LRRC8E: variants seen among roughly 807,000 people sequenced by gnomAD.
LRRC8E encodes volume-regulated anion channel subunit LRRC8E.
Under a neutral mutation model 6.1 loss-of-function variants are expected in LRRC8E, and 6 were observed. The ratio of observed to expected loss-of-function variants is 0.98; its 90% confidence interval spans 0.54 to 1.93. LRRC8E has a LOEUF of 1.93. Ranked by LOEUF, LRRC8E falls within the 30% of genes most tolerant of loss-of-function variation. LRRC8E has a pLI of 0.01. For synonymous variants in LRRC8E, 485 were observed against 472.8 expected, an observed-to-expected ratio of 1.03 and a Z score of -0.33; for missense variants, 1,028 against 1,031.4, an observed-to-expected ratio of 1.00 and a Z score of 0.04.
chr19:7,900,161 G>T lies in LRRC8E; in HGVS notation c.1639G>T (p.Gly547Trp), dbSNP rs775854665. Residue 547 changes from glycine (G) to tryptophan (W), a missense_variant, in exon 3 of 3, where the codon GGG becomes TGG. Coordinates refer to ENST00000306708, the MANE Select transcript of LRRC8E (RefSeq NM_025061.6). This position sits in a 1 kb window ranked among gnomAD's most constrained non-coding sequence, Gnocchi z 5.0. ...GGTGTTGTCCCTCCGGAGCAACGCC[G>T]GGAAGGTGCCAGCCAGTGTGACCGA... ...LKVLSLRSNA[G>W]KVPASVTDVA... is the part of the protein sequence containing the mutation. The T allele has an allele frequency of 9.9e-6, 16 of 1,612,908 alleles. No homozygotes were observed. In the African/African-American group the frequency reaches 1.5e-4, roughly 15 times the overall value.
Position 7,889,059 on chromosome 19 carries a change from A to T in LRRC8E, c.-6+459A>T, listed in dbSNP as rs573182821. 1.6e-4 allele frequency among the ~76,000 whole-genome samples: 24 copies of T among 151,580 alleles called. No homozygotes were observed. In the South Asian group the frequency reaches 4.8e-3, roughly 30 times the overall value. The stretch of plus-strand genomic sequence containing the variant: ...GCTGGCAGAGGCGGCTTGGAAAACC[A>T]CTCGGCTGGGAATCCGCAGGCCTGG... On this transcript the variant is annotated intron_variant, in intron 1 of 2. Transcript: ENST00000306708.
At position 7,899,524 on chromosome 19, in the gene LRRC8E, C is replaced by T. The variant is rs755174300; in HGVS notation, c.1002C>T (p.Leu334=). The change falls in exon 3 of 3, where the codon CTC becomes CTT. Residue 334 remains leucine, a synonymous_variant. Coordinates refer to ENST00000306708, the MANE Select transcript of LRRC8E (RefSeq NM_025061.6). The stretch of plus-strand genomic sequence containing the variant: ...CCTGCATCTACACGCTCTACTGGCT[C>T]TTCCACCGGCCCCTCAAGGAGTACT... ...GLTCIYTLYW[L]FHRPLKEYSF... The T allele has an allele frequency of 8.1e-6, 13 of 1,614,030 alleles. No individual in the cohort carries two copies. The highest frequency in any genetic ancestry group is 1.1e-5 in the Non-Finnish European group (13 of 1,180,048).
At position 7,900,001 on chromosome 19, in the gene LRRC8E, C is replaced by T. The variant is rs139481133; in HGVS notation, c.1479C>T (p.Cys493=). The part of the protein sequence containing the change: ...RDHLKVMRVK[C]EELREVPLWV... ...ACCTGAAGGTGATGCGCGTCAAATG[C>T]GAGGAGCTCCGCGAGGTGCCGCTTT... is the stretch of plus-strand genomic sequence containing the variant. The change falls in exon 3 of 3, where the codon TGC becomes TGT. Residue 493 remains cysteine, a synonymous_variant. Transcript: ENST00000306708. The surrounding 1 kb of genome is among the most constrained non-coding windows in gnomAD (Gnocchi z 5.0). 43 of 1,609,260 alleles carry T rather than the reference C, an allele frequency of 2.7e-5. No individual in the cohort carries two copies. The highest frequency in any genetic ancestry group is 3.4e-5 in the Non-Finnish European group (40 of 1,179,426).
chr19:7,893,285 C>T (rs1218746028), intron 1 of LRRC8E, among the ~76,000 whole-genome samples: 2 of 151,832 alleles, frequency 1.3e-5, no homozygotes, highest in South Asian at 2.1e-4. Context: ...GGATTACAGG[C>T]GTGAGCCACC....
In LRRC8E at chr19:7,901,453, T is replaced by C. The variant is rs1982012634; in HGVS notation, c.*540T>C. On this transcript the variant is annotated 3_prime_UTR_variant, in exon 3 of 3. Coordinates refer to ENST00000306708, the MANE Select transcript of LRRC8E (RefSeq NM_025061.6). ...CCTAGGGAGTCGGTGCAAAACAAAA[T>C]ATCCCAGTCCCCTCCCCTGAAACAC... 6.6e-6 allele frequency: 1 copy of C among 152,240 alleles called. No individual in the cohort carries two copies. The highest frequency in any genetic ancestry group is 2.1e-4 in the South Asian group (1 of 4,824). 9.4% of individuals were successfully genotyped at this position (152,240 alleles called of 1,614,324 possible).
At chr19:7,898,364 A>T (rs1981715820) in intron 2 of LRRC8E, among the ~76,000 whole-genome samples, 1 of 151,676 alleles carries the variant, frequency 6.6e-6, no homozygotes, top group African/African-American at 2.4e-5. Flanking sequence ...TCTTTTTTAA[A>T]TTAATTTATT....
At position 7,900,906 on chromosome 19, in the gene LRRC8E, A is replaced by C; in HGVS notation, c.2384A>C (p.Glu795Ala). ...LPAEVRDKMEEE is the reference protein window; with the variant it reads ...LPAEVRDKMEAE ...GCAGAAGTGCGGGACAAGATGGAGGAGGAATGAAGCTGGGGTGGGGCCGTT... is the reference window on the plus strand; with the variant it reads ...GCAGAAGTGCGGGACAAGATGGAGGCGGAATGAAGCTGGGGTGGGGCCGTT... Residue 795 changes from glutamate (E) to alanine (A), a missense_variant, in exon 3 of 3, where the codon GAG becomes GCG. By Grantham distance (107) the Glu-to-Ala change is moderately radical (BLOSUM62 -1). Coordinates refer to ENST00000306708, the MANE Select transcript of LRRC8E (RefSeq NM_025061.6). The surrounding 1 kb of genome is among the most constrained non-coding windows in gnomAD (Gnocchi z 5.0). The C allele has an allele frequency of 6.6e-7, 1 of 1,517,682 alleles. No individual in the cohort carries two copies. Among genetic ancestry groups the C allele is most frequent in the East Asian group, 2.3e-5 (1 of 44,018 alleles). The allele number at this position is 1,517,682 out of a possible 1,614,324, so 94.0% of individuals were successfully genotyped here. A position where few individuals can be genotyped will look rare whatever the true frequency, so the allele number is the denominator to read the frequency against.
At chr19:7,893,781 C>G (rs1261148401) in intron 1 of LRRC8E, 1 of 152,238 alleles carries the variant, frequency 6.6e-6, no homozygotes, top group Non-Finnish European at 1.5e-5. Flanking sequence ...GATCCGCCTG[C>G]CTTGGCCTCC....
At chr19:7,890,849 C>T (rs1295389532) in intron 1 of LRRC8E, among the ~76,000 whole-genome samples, 2 of 152,104 alleles carry the variant, frequency 1.3e-5, no homozygotes, top group African/African-American at 4.8e-5. Context: ...AGGTGCCCAC[C>T]ACCACTCCAG....
intron 1 of LRRC8E, among the ~76,000 whole-genome samples, chr19:7,890,892 T>C (rs1020472094): frequency 6.6e-6 from 1 of 152,160 alleles, no homozygotes; most frequent in African/African-American, 2.4e-5. Flanking sequence ...CATGGGGTTT[T>C]ACCATGTTGG....
chr19:7,890,357 T>C (rs913080699), intron 1 of LRRC8E, among the ~76,000 whole-genome samples: 1 of 152,192 alleles, frequency 6.6e-6, no homozygotes, highest in African/African-American at 2.4e-5. Context: ...AACACCGCTC[T>C]TAGGTGCTTT....
rs756664115 is a variant in LRRC8E, at chr19:7,895,961, G to A, written c.138+220G>A. Among the ~76,000 whole-genome samples the A allele has an allele frequency of 1.2e-4, 18 of 151,924 alleles. No homozygotes were observed. Among genetic ancestry groups the A allele is most frequent in the Admixed American group, 3.3e-4 (5 of 15,248 alleles). ...CATATCTTTTTTTCTTTTTTGAGAC[G>A]GAGTCTCACTCTGTCACCCAGGCTA... On this transcript the variant is annotated intron_variant, in intron 2 of 2. Transcript: ENST00000306708. The surrounding 1 kb of genome is among the most constrained non-coding windows in gnomAD (Gnocchi z 4.7).
At position 7,900,846 on chromosome 19, in the gene LRRC8E, T is replaced by C. The variant is rs1025285244; in HGVS notation, c.2324T>C (p.Leu775Pro). 6.4e-7 allele frequency: 1 copy of C among 1,562,026 alleles called. No homozygotes were observed. The highest frequency in any genetic ancestry group is 1.4e-5 in the African/African-American group (1 of 73,120). ...TGTGGGGGGCTCAAGAAGGCGGGGC[T>C]CCTGGTGGAAGACACGCTTTACCAG... ...GNCGGLKKAG[L>P]LVEDTLYQGL... The change falls in exon 3 of 3, where the codon CTC becomes CCC. Residue 775 changes from leucine (L) to proline (P), a missense_variant. Leu to Pro is a moderately conservative substitution (Grantham distance 98). Transcript: ENST00000306708. The surrounding 1 kb of genome is among the most constrained non-coding windows in gnomAD (Gnocchi z 5.0).
Position 7,895,773 on chromosome 19 carries a change from C to A in LRRC8E, c.138+32C>A, listed in dbSNP as rs1180281399. The A allele has an allele frequency of 1.9e-6, 3 of 1,603,844 alleles. No homozygotes were observed. The highest frequency in any genetic ancestry group is 2.6e-6 in the Non-Finnish European group (3 of 1,171,748). The stretch of plus-strand genomic sequence containing the variant: ...CCCTCCCCTGGCAAGGGGGTGTGAC[C>A]AGAGGGGCGGGGCAGGTGTCTGGGG... On this transcript the variant is annotated intron_variant, in intron 2 of 2. Coordinates refer to ENST00000306708, the MANE Select transcript of LRRC8E (RefSeq NM_025061.6). This position sits in a 1 kb window ranked among gnomAD's most constrained non-coding sequence, Gnocchi z 4.7.
intron 1 of LRRC8E, among the ~76,000 whole-genome samples, chr19:7,892,343 A>G (rs1981359350): frequency 6.6e-6 from 1 of 151,994 alleles, no homozygotes; most frequent in Admixed American, 6.6e-5. Context: ...AAGTGCTGGG[A>G]TTACAGGCGT....
intron 1 of LRRC8E, among the ~76,000 whole-genome samples, chr19:7,889,879 A>G (rs964826575): frequency 2.6e-5 from 4 of 151,348 alleles, no homozygotes; most frequent in African/African-American, 9.7e-5. Context: ...CCTCCTGAGT[A>G]GCTGGGACTA....
At chr19:7,889,216 C>G (rs1981174390) in intron 1 of LRRC8E, among the ~76,000 whole-genome samples, 1 of 152,068 alleles carries the variant, frequency 6.6e-6, no homozygotes, top group Non-Finnish European at 1.5e-5. Flanking sequence ...CTTTGGGAGG[C>G]CGAGGTGGGC....
chr19:7,892,911 G>A (rs1167531377), intron 1 of LRRC8E, among the ~76,000 whole-genome samples: 2 of 152,110 alleles, frequency 1.3e-5, no homozygotes, highest in Non-Finnish European at 2.9e-5. Context: ...TGCAACCTCC[G>A]CCTCCCGGGT....
At chr19:7,894,507 A>G (rs1981474600) in intron 1 of LRRC8E, among the ~76,000 whole-genome samples, 1 of 152,170 alleles carries the variant, frequency 6.6e-6, no homozygotes, top group Non-Finnish European at 1.5e-5. Flanking sequence ...GATTACAGGC[A>G]TGAGCCACCG....
Sources: gnomAD v4.1 joint callset for allele counts (sites outside exome capture counted in the v4.1 genomes callset) on GRCh38, gnomAD v4.1.1 for gene constraint, Gnocchi (gnomAD v3.1) non-coding constraint, MANE v1.5 for transcripts, NCBI Gene and HGNC (gene_info 2026-07-23, HGNC 2026-07-21) for gene names.